The following CCZ1 variants were observed in gnomAD, a reference collection of about 807,000 sequenced individuals.
CCZ1 encodes CCZ1 vacuolar protein trafficking and biogenesis associated.
In CCZ1, 19 loss-of-function variants were observed where a neutral mutation model predicts 57.8. That is an observed-to-expected ratio of 0.33 (90% CI 0.23 to 0.48). The LOEUF (loss-of-function observed/expected upper bound fraction) is 0.48, where lower values mean the gene tolerates loss of function less well. Ranked by LOEUF, CCZ1 falls within the 20% of genes least tolerant of loss-of-function variation. The pLI, the probability that CCZ1 is intolerant of heterozygous loss-of-function variation, is 0.99. For missense variants in CCZ1, 200 were observed against 492.0 expected (o/e 0.41, Z 5.61); for synonymous variants, 81 against 167.0 (o/e 0.49, Z 3.97).
chr7:5,904,968 G>T, intron 6 of CCZ1, 126 bp from the exon 7 acceptor site: 1 of 1,275,294 alleles, frequency 7.8e-7, no homozygotes, highest in Non-Finnish European at 1.1e-6. Context: ...CCTCATTGTT[G>T]CGCTGTTTGC....
At chr7:5,925,443 G>C (rs961746016) in intron 14 of CCZ1, 189 bp from the exon 15 acceptor site, 6 of 543,112 alleles carry the variant, frequency 1.1e-5, no homozygotes, top group Non-Finnish European at 2.0e-5. Flanking sequence ...CTCCAGCCTG[G>C]GTGACAGAGC....
At chr7:5,900,246 T>A in intron 1 of CCZ1, 38 bp from the exon 2 acceptor site, 1 of 1,328,418 alleles carries the variant, frequency 7.5e-7, no homozygotes, top group Non-Finnish European at 1.0e-6. Flanking sequence ...GATGAAATGT[T>A]TCTATTCATG....
chr7:5,908,315 A>G lies in CCZ1; in HGVS notation c.699-1720A>G, dbSNP rs541170497. Among the ~76,000 whole-genome samples the G allele has an allele frequency of 6.7e-5, 8 of 119,486 alleles. 2 individuals carry two copies. The highest frequency in any genetic ancestry group is 2.6e-4 in the African/African-American group (8 of 31,346). 78.4% of individuals were successfully genotyped at this position (119,486 alleles called of 152,430 possible). On this transcript the variant is annotated intron_variant, in intron 7 of 14. Coordinates refer to ENST00000325974, the MANE Select transcript of CCZ1 (RefSeq NM_015622.6). ...AGGCTCTGTCTCTACCAAAAAGTGGAAAAAAAAACTTGTCACAAGCAGAGT... is the reference window on the plus strand; with the variant it reads ...AGGCTCTGTCTCTACCAAAAAGTGGGAAAAAAAACTTGTCACAAGCAGAGT...
intron 10 of CCZ1, among the ~76,000 whole-genome samples, chr7:5,913,613 G>C (rs2128613310): frequency 6.9e-6 from 1 of 144,418 alleles, no homozygotes; most frequent in African/African-American, 2.5e-5. Flanking sequence ...GCCTGATAGA[G>C]GGCGGTGCCG....
In CCZ1 at chr7:5,904,659, A is replaced by G. The variant is rs2528322; in HGVS notation, c.523-435A>G. On this transcript the variant is annotated intron_variant, in intron 6 of 14. Transcript: ENST00000325974. ...ATCCTGGCTAACATGGTGAAACCCC[A>G]TCTCTACTAAAAATGGAAAAAAATA... Among the ~76,000 whole-genome samples the G allele has an allele frequency of 4.8e-4, 70 of 146,698 alleles. 2 individuals carry two copies. The highest frequency in any genetic ancestry group is 1.3e-3 in the African/African-American group (52 of 38,760).
In CCZ1 at chr7:5,901,558, T is replaced by C. The variant is rs1781686479; in HGVS notation, c.391-99T>C. The C allele has an allele frequency of 1.0e-5, 15 of 1,498,518 alleles. 2 individuals are homozygous for C. The South Asian group carries it at 1.5e-4, about 15-fold the overall frequency. The allele number at this position is 1,498,518 out of a possible 1,614,324, so 92.8% of individuals were successfully genotyped here. A position where few individuals can be genotyped will look rare whatever the true frequency, so the allele number is the denominator to read the frequency against. ...ATTGTGGGACAAAGTTTATAAACATTATACTGTTTGGCCAAGAGTTAGTGT... is the reference window on the plus strand; with the variant it reads ...ATTGTGGGACAAAGTTTATAAACATCATACTGTTTGGCCAAGAGTTAGTGT... On this transcript the variant is annotated intron_variant, in intron 4 of 14. Coordinates refer to ENST00000325974, the MANE Select transcript of CCZ1 (RefSeq NM_015622.6).
rs1781966189 is a variant in CCZ1, at chr7:5,911,023, A to C, written c.781-838A>C. Among the ~76,000 whole-genome samples, 3 of 148,990 alleles carry C rather than the reference A, an allele frequency of 2.0e-5. 1 individual carries two copies. The highest frequency in any genetic ancestry group is 4.4e-4 in the South Asian group (2 of 4,548). On this transcript the variant is annotated intron_variant, in intron 8 of 14. Coordinates refer to ENST00000325974, the MANE Select transcript of CCZ1 (RefSeq NM_015622.6). ...AGTGCTGGGATTACAGGCGTGAGCT[A>C]CTGCTCCTGGCCAAAAAATTGGATT... is the stretch of plus-strand genomic sequence containing the variant.
At position 5,903,163 on chromosome 7, in the gene CCZ1, G is replaced by T. The variant is rs565280075; in HGVS notation, c.522+419G>T. Among the ~76,000 whole-genome samples the T allele has an allele frequency of 1.3e-5, 2 of 149,100 alleles. 1 individual carries two copies. The highest frequency in any genetic ancestry group is 4.4e-4 in the South Asian group (2 of 4,514). ...ACGGGCGTGAACCGTCTTGATGTAG[G>T]TAAGAGTTACTGGCCTTGACAGACT... On this transcript the variant is annotated intron_variant, in intron 6 of 14. Transcript: ENST00000325974.
intron 6 of CCZ1, among the ~76,000 whole-genome samples, chr7:5,903,444 CAATT>C (rs1372917415): frequency 5.6e-5 from 8 of 143,048 alleles, no homozygotes; most frequent in African/African-American, 2.1e-4. Context: ...CAACAATTCT[CAATT>C]TATTTTCTTC....
At chr7:5,924,643 G>GGCA (rs1779323979) in intron 14 of CCZ1, 1 of 133,514 alleles carries the variant, frequency 7.5e-6, no homozygotes, top group Admixed American at 7.6e-5. Context: ...GGCAGAAGGA[G>GGCA]GCAGACATTT....
intron 7 of CCZ1, among the ~76,000 whole-genome samples, chr7:5,909,209 C>G (rs1400357134): frequency 6.8e-6 from 1 of 146,454 alleles, no homozygotes; most frequent in South Asian, 2.3e-4. Context: ...CAAGTTTAAC[C>G]CTTTACCTTC....
chr7:5,908,908 A>T lies in CCZ1; in HGVS notation c.699-1127A>T, dbSNP rs557267214. Among the ~76,000 whole-genome samples, 346 of 147,330 alleles carry T rather than the reference A, an allele frequency of 2.3e-3. 2 individuals carry two copies. Among genetic ancestry groups the T allele is most frequent in the African/African-American group, 8.4e-3 (331 of 39,598 alleles). ...AGATCCGGAGAATTAAAATCCATGT[A>T]CATTTCTGAGACCTAGGATCACGTT... On this transcript the variant is annotated intron_variant, in intron 7 of 14. Coordinates refer to ENST00000325974, the MANE Select transcript of CCZ1 (RefSeq NM_015622.6).
rs139794391 is a variant in CCZ1, at chr7:5,901,694, G to A, written c.428G>A (p.Ser143Asn). 4.9e-4 allele frequency: 790 copies of A among 1,598,886 alleles called. 61 individuals carry two copies. In the African/African-American group the frequency reaches 9.6e-3, roughly 19 times the overall value. ...VYSSVLRQCY[S>N]MYKLFNGTFL... ...AGCTCGGTGCTGCGGCAGTGCTACA[G>A]CATGTACAAGGTAAGCGTGGCGTTC... Residue 143 changes from serine to asparagine, a missense_variant, in exon 5 of 15, where the codon AGC (serine) becomes AAC (asparagine). Coordinates refer to ENST00000325974, the MANE Select transcript of CCZ1 (RefSeq NM_015622.6).
intron 5 of CCZ1, chr7:5,902,386 T>C (rs1381460438): frequency 3.8e-5 from 13 of 339,288 alleles, no homozygotes; most frequent in Non-Finnish European, 6.6e-5. Context: ...GTGGGTGATA[T>C]TATGTATGTA....
intron 12 of CCZ1, among the ~76,000 whole-genome samples, chr7:5,920,427 G>A (rs1317620496): frequency 8.3e-5 from 10 of 120,254 alleles, no homozygotes; most frequent in Non-Finnish European, 1.6e-4. Flanking sequence ...TCACTCCTCC[G>A]GCTCTCTAGA....
In CCZ1 at chr7:5,904,457, C is replaced by T. The variant is rs192355288; in HGVS notation, c.523-637C>T. 2.7e-5 allele frequency among the ~76,000 whole-genome samples: 4 copies of T among 145,598 alleles called. No homozygotes were observed. In the East Asian group the frequency reaches 9.2e-4, roughly 34 times the overall value. ...CTGTATTCCCAGCGCTTTGGGACGC[C>T]TAGACACGAGAATCACGGAGGCCAG... On this transcript the variant is annotated intron_variant, in intron 6 of 14. Coordinates refer to ENST00000325974, the MANE Select transcript of CCZ1 (RefSeq NM_015622.6).
intron 7 of CCZ1, among the ~76,000 whole-genome samples, chr7:5,907,376 C>T (rs1418532969): frequency 6.7e-6 from 1 of 149,434 alleles, no homozygotes; most frequent in Non-Finnish European, 1.5e-5. Context: ...TTGCAAGTCA[C>T]ACGCAGCCAC....
chr7:5,902,776 G>A (rs543461507), intron 6 of CCZ1, 32 bp downstream of exon 6: 1 of 1,584,302 alleles, frequency 6.3e-7, no homozygotes, highest in South Asian at 1.2e-5. Flanking sequence ...TATAACTTTA[G>A]TAAGCATTCA....
At position 5,914,568 on chromosome 7, in the gene CCZ1, A is replaced by G; in HGVS notation, c.954+1614A>G. Among the ~76,000 whole-genome samples the G allele has an allele frequency of 1.4e-5, 2 of 146,002 alleles. 1 individual carries two copies. The highest frequency in any genetic ancestry group is 3.0e-5 in the Non-Finnish European group (2 of 66,066). ...TCTTTGCCATGCCAAGCTGTCAACC[A>G]CAGATAAGACAAAAGAAAGACATTA... On this transcript the variant is annotated intron_variant, in intron 10 of 14. Transcript: ENST00000325974.
Sources: allele counts gnomAD v4.1 joint callset (sites outside exome capture counted in the v4.1 genomes callset), GRCh38; gene constraint gnomAD v4.1.1; transcripts MANE v1.5; gene names NCBI Gene and HGNC (gene_info 2026-07-23, HGNC 2026-07-21).